The following SYK variants were observed in gnomAD, a reference collection of about 807,000 sequenced individuals.
SYK encodes spleen associated tyrosine kinase, also known as tyrosine-protein kinase SYK.
SYK carries 16 observed loss-of-function variants against 77.8 expected under a neutral mutation model. The ratio of observed to expected loss-of-function variants is 0.21; its 90% confidence interval spans 0.14 to 0.31. The LOEUF is 0.31. SYK is among the 10% of genes least tolerant of loss of function. The pLI, the probability that SYK is intolerant of heterozygous loss-of-function variation, is 1.00. For missense variants in SYK, 529 were observed against 814.4 expected (o/e 0.65, Z 4.26); for synonymous variants, 312 against 308.7 (o/e 1.01, Z -0.11).
At position 90,874,268 on chromosome 9, in the gene SYK, T is replaced by G. The variant is rs935966981; in HGVS notation, c.980T>G (p.Leu327Arg). The change falls in exon 8 of 14, where the codon CTT becomes CGT. Residue 327 changes from leucine to arginine, a missense_variant. Transcript: ENST00000375754. ...TVSFNPYEPELAPWAADKGPQ... is the reference protein window; with the variant it reads ...TVSFNPYEPERAPWAADKGPQ... ...TCATTCAATCCGTATGAGCCAGAAC[T>G]TGCACCCTGGGCTGCAGACAAAGGT... 1 of 1,614,084 alleles carries G rather than the reference T, an allele frequency of 6.2e-7. No individual in the cohort carries two copies. Among genetic ancestry groups the G allele is most frequent in the African/African-American group, 1.3e-5 (1 of 74,936 alleles).
chr9:90,874,064 C>T (rs1827835879), intron 7 of SYK, 140 bp from the exon 8 acceptor site: 1 of 711,490 alleles, frequency 1.4e-6, no homozygotes, highest in African/African-American at 1.8e-5. Context: ...TTATTTTCTT[C>T]CCTGTTTTTC....
chr9:90,808,739 T>G (rs751142139), intron 1 of SYK, among the ~76,000 whole-genome samples: 4 of 152,110 alleles, frequency 2.6e-5, no homozygotes, highest in Non-Finnish European at 4.4e-5. Flanking sequence ...TCCCTTGTCC[T>G]CCCGCTCCTC....
intron 3 of SYK, among the ~76,000 whole-genome samples, chr9:90,845,917 T>C (rs1349467245): frequency 6.6e-6 from 1 of 152,252 alleles, no homozygotes; most frequent in African/African-American, 2.4e-5. Context: ...ATTCTGTGGT[T>C]ATCCAACTAA....
chr9:90,824,841 T>G (rs1825619895), intron 1 of SYK, among the ~76,000 whole-genome samples: 1 of 151,840 alleles, frequency 6.6e-6, no homozygotes, highest in Admixed American at 6.6e-5. Flanking sequence ...CTCTTACCAC[T>G]CTGTTCAACA....
chr9:90,884,338 TAC>T (rs1297374327), intron 11 of SYK, among the ~76,000 whole-genome samples: 4 of 147,092 alleles, frequency 2.7e-5, no homozygotes, highest in African/African-American at 7.6e-5. Flanking sequence ...CGTGTATATA[TAC>T]ACACATACAC....
intron 7 of SYK, among the ~76,000 whole-genome samples, chr9:90,868,323 A>G (rs1435615784): frequency 6.6e-6 from 1 of 152,212 alleles, no homozygotes; most frequent in Non-Finnish European, 1.5e-5. Context: ...GTTTTGGTGC[A>G]TCTTTAGACT....
intron 2 of SYK, among the ~76,000 whole-genome samples, chr9:90,845,006 G>A (rs1360912184): frequency 6.6e-6 from 1 of 152,204 alleles, no homozygotes; most frequent in Non-Finnish European, 1.5e-5. Context: ...CATGATCTCA[G>A]CTCAATGCAA....
intron 7 of SYK, among the ~76,000 whole-genome samples, chr9:90,872,162 G>A (rs1443448071): frequency 6.6e-6 from 1 of 152,164 alleles, no homozygotes; most frequent in Non-Finnish European, 1.5e-5. Context: ...ATTGCGTTCT[G>A]GTTTAATTGG....
At chr9:90,845,047 T>C (rs1219819195) in intron 2 of SYK, among the ~76,000 whole-genome samples, 5 of 152,204 alleles carry the variant, frequency 3.3e-5, no homozygotes, top group Admixed American at 6.5e-5. Context: ...GCGATTCTAC[T>C]GCCTCAGCCT....
chr9:90,816,695 A>C (rs1285300750), intron 1 of SYK, among the ~76,000 whole-genome samples: 1 of 152,190 alleles, frequency 6.6e-6, no homozygotes, highest in Non-Finnish European at 1.5e-5. Context: ...TCATCTCCTT[A>C]TTCCATCACT....
At chr9:90,816,101 G>A (rs917307990) in intron 1 of SYK, among the ~76,000 whole-genome samples, 2 of 152,142 alleles carry the variant, frequency 1.3e-5, no homozygotes, top group African/African-American at 4.8e-5. Flanking sequence ...CTTGTGAATT[G>A]AGCTTACTAA....
intron 1 of SYK, among the ~76,000 whole-genome samples, chr9:90,827,226 A>C (rs537801557): frequency 4.6e-5 from 7 of 152,154 alleles, no homozygotes; most frequent in Non-Finnish European, 8.8e-5. Context: ...AGCCCTGTCC[A>C]CTGACTCCCT....
At position 90,844,023 on chromosome 9, in the gene SYK, G is replaced by A. The variant is rs1408106520; in HGVS notation, c.125G>A (p.Arg42His). The part of the protein sequence containing the change: ...GGMSDGLYLL[R>H]QSRNYLGGFA... Reference sequence around the variant, plus strand: ...ATGAGTGATGGGCTTTATTTGCTGCGCCAGAGCCGCAACTACCTGGGTGGC... The same window carrying A: ...ATGAGTGATGGGCTTTATTTGCTGCACCAGAGCCGCAACTACCTGGGTGGC... The change falls in exon 2 of 14, where the codon CGC (arginine) becomes CAC (histidine). Residue 42 changes from arginine (R) to histidine (H), a missense_variant. Transcript: ENST00000375754. 2.5e-6 allele frequency: 4 copies of A among 1,611,810 alleles called. No homozygotes were observed. The highest frequency in any genetic ancestry group is 3.4e-6 in the Non-Finnish European group (4 of 1,178,964).
chr9:90,808,154 T>C (rs1255700062), intron 1 of SYK, among the ~76,000 whole-genome samples: 1 of 152,230 alleles, frequency 6.6e-6, no homozygotes, highest in Non-Finnish European at 1.5e-5. Flanking sequence ...CACTGTGTTT[T>C]CATGAAACCA....
intron 3 of SYK, among the ~76,000 whole-genome samples, chr9:90,855,685 T>TGG (rs956038058): frequency 4.8e-5 from 7 of 146,822 alleles, no homozygotes; most frequent in South Asian, 4.2e-4. Context: ...TGTGTGTGTG[T>TGG]GTGGGTGTGT....
At chr9:90,881,746 C>T (rs571375202) in intron 11 of SYK, among the ~76,000 whole-genome samples, 2 of 151,100 alleles carry the variant, frequency 1.3e-5, no homozygotes, top group South Asian at 2.1e-4. Context: ...AGCAAACGAA[C>T]GCTGGCACTC....
chr9:90,817,366 C>T (rs1028865473), intron 1 of SYK, among the ~76,000 whole-genome samples: 4 of 152,152 alleles, frequency 2.6e-5, no homozygotes, highest in African/African-American at 9.7e-5. Flanking sequence ...CTGTCTTTCT[C>T]AATTTTTCTG....
At chr9:90,819,722 A>G (rs1006239430) in intron 1 of SYK, among the ~76,000 whole-genome samples, 1 of 152,150 alleles carries the variant, frequency 6.6e-6, no homozygotes, top group Non-Finnish European at 1.5e-5. Flanking sequence ...CAGCCAAATC[A>G]TATCACCCAC....
At chr9:90,837,052 A>G (rs1459520003) in intron 1 of SYK, among the ~76,000 whole-genome samples, 3 of 152,020 alleles carry the variant, frequency 2.0e-5, no homozygotes, top group Admixed American at 6.5e-5. Flanking sequence ...CATGCAAAAT[A>G]TGTGTTAATC....
Sources: allele counts gnomAD v4.1 joint callset (sites outside exome capture counted in the v4.1 genomes callset), GRCh38; gene constraint gnomAD v4.1.1; transcripts MANE v1.5; gene names NCBI Gene and HGNC (gene_info 2026-07-23, HGNC 2026-07-21).